The following ELAVL2 variants were observed in gnomAD, a reference collection of about 807,000 sequenced individuals.
The protein encoded by ELAVL2 is ELAV like RNA binding protein 2.
Under a neutral mutation model 34.6 loss-of-function variants are expected in ELAVL2, and 4 were observed. The observed-to-expected ratio is 0.12, with a 90% confidence interval of 0.06 to 0.26. The LOEUF (loss-of-function observed/expected upper bound fraction) is 0.26. Among genes scored for constraint, ELAVL2 ranks in the 10% least tolerant of loss-of-function variants. The pLI, the probability that ELAVL2 is intolerant of heterozygous loss-of-function variation, is 1.00. For synonymous variants in ELAVL2, 193 were observed against 154.8 expected (o/e 1.25, Z -1.83); for missense variants, 432 against 442.8 (o/e 0.98, Z 0.22).
intron 2 of ELAVL2, among the ~76,000 whole-genome samples, chr9:23,754,650 C>A (rs1471527428): frequency 1.3e-5 from 2 of 152,044 alleles, no homozygotes; most frequent in African/African-American, 4.8e-5. Flanking sequence ...TCAGTACAAT[C>A]AGGGTTTCAC....
chr9:23,766,422 A>G (rs2056271641), intron 1 of ELAVL2, among the ~76,000 whole-genome samples: 1 of 152,154 alleles, frequency 6.6e-6, no homozygotes, highest in Admixed American at 6.6e-5. Flanking sequence ...CAGCAGGGTA[A>G]AGCAGGCATA....
At chr9:23,786,802 A>AAGAG (rs1554747168) in intron 1 of ELAVL2, among the ~76,000 whole-genome samples, 2 of 127,334 alleles carry the variant, frequency 1.6e-5, no homozygotes, top group Non-Finnish European at 3.3e-5. Flanking sequence ...AAAAAAAAAA[A>AAGAG]AGAGAGAGAG....
chr9:23,700,524 CAG>C (rs1165022197), intron 5 of ELAVL2, among the ~76,000 whole-genome samples: 1 of 152,168 alleles, frequency 6.6e-6, no homozygotes, highest in East Asian at 1.9e-4. Flanking sequence ...CTATGAACTA[CAG>C]AGAGGTCAGT....
chr9:23,719,261 A>G (rs1356294206), intron 3 of ELAVL2, among the ~76,000 whole-genome samples: 5 of 151,940 alleles, frequency 3.3e-5, no homozygotes, highest in African/African-American at 7.3e-5. Flanking sequence ...CATCAATAAC[A>G]CTCACTGGCT....
intron 2 of ELAVL2, among the ~76,000 whole-genome samples, chr9:23,742,667 GC>G (rs568890665): frequency 7.7e-4 from 117 of 152,304 alleles, no homozygotes; most frequent in African/African-American, 2.7e-3. Flanking sequence ...AAAAGAAAGA[GC>G]AGAATTAAAT....
chr9:23,701,526 T>C lies in ELAVL2; in HGVS notation c.566A>G (p.Gln189Arg). Residue 189 changes from glutamine (Q) to arginine (R), a missense_variant, in exon 5 of 7, where the codon CAG becomes CGG. By Grantham distance (43) the Gln-to-Arg change is conservative (BLOSUM62 1). Coordinates refer to ENST00000397312, the MANE Select transcript of ELAVL2 (RefSeq NM_004432.5). The stretch of plus-strand genomic sequence containing the variant: ...TGGCTCCGTGGCACCGGGAGGTTTC[T>C]GGCCATTTAGGCCTTTGATAGCTTC... The part of the protein sequence containing the change: ...AEEAIKGLNG[Q>R]KPPGATEPIT... 6.2e-7 allele frequency: 1 copy of C among 1,614,178 alleles called. No homozygotes were observed. Among genetic ancestry groups the C allele is most frequent in the Non-Finnish European group, 8.5e-7 (1 of 1,180,018 alleles).
chr9:23,699,009 A>T (rs538631580), intron 5 of ELAVL2, among the ~76,000 whole-genome samples: 1 of 152,354 alleles, frequency 6.6e-6, no homozygotes, highest in Admixed American at 6.5e-5. Context: ...ATTTTCTGAA[A>T]CCAAGTTTCC....
At chr9:23,716,202 T>G (rs923460448) in intron 3 of ELAVL2, among the ~76,000 whole-genome samples, 1 of 151,044 alleles carries the variant, frequency 6.6e-6, no homozygotes, top group Non-Finnish European at 1.5e-5. Context: ...CATTAGGAGA[T>G]ATACCTAATG....
Position 23,754,707 on chromosome 9 carries a change from C to T in ELAVL2, c.229+7299G>A, listed in dbSNP as rs187398621. Reference sequence around the variant, plus strand: ...TGAATTCCTGACCTCCGGTGATTCGCCTGCATTGGCCTTCCAAAGTGCTGA... The same window carrying T: ...TGAATTCCTGACCTCCGGTGATTCGTCTGCATTGGCCTTCCAAAGTGCTGA... On this transcript the variant is annotated intron_variant, in intron 2 of 6. Transcript: ENST00000397312. Among the ~76,000 whole-genome samples, 292 of 152,262 alleles carry T rather than the reference C, an allele frequency of 1.9e-3. 3 individuals are homozygous for T. Among genetic ancestry groups the T allele is most frequent in the Non-Finnish European group, 2.4e-3 (160 of 68,010 alleles).
intron 3 of ELAVL2, among the ~76,000 whole-genome samples, chr9:23,718,236 TTA>T (rs2042803785): frequency 6.6e-6 from 1 of 152,168 alleles, no homozygotes; most frequent in Non-Finnish European, 1.5e-5. Context: ...AAAGGATGTT[TTA>T]TGTCAACAAT....
chr9:23,778,123 C>G (rs1188478794), intron 1 of ELAVL2, among the ~76,000 whole-genome samples: 2 of 151,970 alleles, frequency 1.3e-5, no homozygotes, highest in Non-Finnish European at 1.5e-5. Context: ...ATTAAGCATT[C>G]AAATAAATGG....
chr9:23,728,754 GAAAT>G (rs1587800889), intron 3 of ELAVL2, among the ~76,000 whole-genome samples: 1 of 152,060 alleles, frequency 6.6e-6, no homozygotes. Context: ...CTGTCTAATG[GAAAT>G]AAATAAACAT....
intron 2 of ELAVL2, among the ~76,000 whole-genome samples, chr9:23,734,771 T>G (rs974791275): frequency 1.3e-5 from 2 of 152,032 alleles, no homozygotes; most frequent in African/African-American, 4.8e-5. Context: ...TTTCTGGTTA[T>G]AAATGAGCGC....
the ELAVL2 span, among the ~76,000 whole-genome samples, chr9:23,843,733 T>C: frequency 4.6e-5 from 7 of 152,250 alleles, no homozygotes; most frequent in African/African-American, 1.7e-4. Flanking sequence ...ATTTAATTAC[T>C]TCTGCTTTTG....
At chr9:23,693,542 A>G in intron 5 of ELAVL2, 56 bp from the exon 6 acceptor site, 1 of 1,607,424 alleles carries the variant, frequency 6.2e-7, no homozygotes. Flanking sequence ...TTGATGTTCA[A>G]GAAAGTTGGG....
rs951742021 is a variant in ELAVL2, at chr9:23,825,926, C to T, written c.-136G>A. The stretch of plus-strand genomic sequence containing the variant: ...AAGACAGCACGAAACCTAAACTGTG[C>T]TCGGCTTAAAAGAAGCAAATAAAAA... On this transcript the variant is annotated 5_prime_UTR_variant, in exon 1 of 7. Coordinates refer to ENST00000397312, the MANE Select transcript of ELAVL2 (RefSeq NM_004432.5). The T allele has an allele frequency of 2.6e-5, 4 of 152,062 alleles. No individual in the cohort carries two copies. Among genetic ancestry groups the T allele is most frequent in the Admixed American group, 2.6e-4 (4 of 15,274 alleles). The allele number at this position is 152,062 out of a possible 1,614,324, so 9.4% of individuals were successfully genotyped here.
chr9:23,779,481 G>T, intron 1 of ELAVL2: 1 of 880,180 alleles, frequency 1.1e-6, no homozygotes, highest in Non-Finnish European at 1.4e-6. Context: ...CTTCCTTCTG[G>T]CTTCCTTAGA....
intron 3 of ELAVL2, among the ~76,000 whole-genome samples, chr9:23,705,348 C>A (rs574894718): frequency 6.6e-6 from 1 of 152,310 alleles, no homozygotes; most frequent in South Asian, 2.1e-4. Flanking sequence ...TATATCCCAT[C>A]CTCCAGATTA....
chr9:23,782,267 C>T lies in ELAVL2; in HGVS notation c.-15-20018G>A, dbSNP rs901605527. On this transcript the variant is annotated intron_variant, in intron 1 of 6. Transcript: ENST00000397312. Reference sequence around the variant, plus strand: ...TGAAAAATTCAAAATCAAAGTACATCGTAAGCATTTGCTCAGAGGCTAGCA... The same window carrying T: ...TGAAAAATTCAAAATCAAAGTACATTGTAAGCATTTGCTCAGAGGCTAGCA... 5.5e-4 allele frequency among the ~76,000 whole-genome samples: 83 copies of T among 152,200 alleles called. 1 individual carries two copies. The highest frequency in any genetic ancestry group is 2.9e-4 in the Non-Finnish European group (20 of 68,044).
Sources: allele counts gnomAD v4.1 joint callset (sites outside exome capture counted in the v4.1 genomes callset), GRCh38; gene constraint gnomAD v4.1.1; transcripts MANE v1.5; gene names NCBI Gene and HGNC (gene_info 2026-07-23, HGNC 2026-07-21).